The following FAT4 variants were observed in gnomAD, a reference collection of about 807,000 sequenced individuals.
The protein encoded by FAT4 is FAT atypical cadherin 4.
A neutral mutation model predicts 303.9 loss-of-function variants in FAT4; 84 were observed. The ratio of observed to expected loss-of-function variants is 0.28; its 90% CI spans 0.23 to 0.33. The LOEUF is 0.33. Among genes scored for constraint, FAT4 ranks in the 10% least tolerant of loss-of-function variants. The pLI is 1.00. For synonymous variants in FAT4, 2,307 were observed against 2,298.8 expected (o/e 1.00, Z -0.10); for missense variants, 6,005 against 6,146.8 (o/e 0.98, Z 0.77).
intron 3 of FAT4, among the ~76,000 whole-genome samples, chr4:125,406,652 G>C (rs1418239778): frequency 6.6e-6 from 1 of 152,066 alleles, no homozygotes; most frequent in Admixed American, 6.6e-5. Flanking sequence ...CCATTTGTTT[G>C]TATCTTTGTT....
At chr4:125,333,789 C>T (rs1297815170) in intron 2 of FAT4, among the ~76,000 whole-genome samples, 1 of 152,134 alleles carries the variant, frequency 6.6e-6, no homozygotes, top group Non-Finnish European at 1.5e-5. Context: ...ACAAAATTTG[C>T]TATTGAAAAC....
At position 125,376,513 on chromosome 4, in the gene FAT4, G is replaced by T. The variant is rs188087194; in HGVS notation, c.5176-22271G>T. Among the ~76,000 whole-genome samples, 232 of 152,260 alleles carry T rather than the reference G, an allele frequency of 1.5e-3. 1 individual carries two copies. The highest frequency in any genetic ancestry group is 5.1e-3 in the African/African-American group (212 of 41,548). ...TACCTAATGTAAATGACGAGTTAAT[G>T]GGTGCAGTAAACCAACATGGCATAT... On this transcript the variant is annotated intron_variant, in intron 2 of 17. Coordinates refer to ENST00000394329, the MANE Select transcript of FAT4 (RefSeq NM_001291303.3).
intron 2 of FAT4, among the ~76,000 whole-genome samples, chr4:125,361,077 A>G (rs1732647433): frequency 6.6e-6 from 1 of 151,342 alleles, no homozygotes; most frequent in Non-Finnish European, 1.5e-5. Flanking sequence ...ATTTAGTGTC[A>G]AATTGCTAGC....
chr4:125,421,625 A>C (rs1418265311), intron 7 of FAT4, among the ~76,000 whole-genome samples: 2 of 152,200 alleles, frequency 1.3e-5, no homozygotes, highest in Non-Finnish European at 2.9e-5. Context: ...CACTTTGGGG[A>C]TGCTACAGTT....
rs181202756 is a variant in FAT4, at chr4:125,391,219, G to A, written c.5176-7565G>A. On this transcript the variant is annotated intron_variant, in intron 2 of 17. Transcript: ENST00000394329. ...TTCTGCTATAAAGACATATGCACAT[G>A]TATGTTTACTGCAGCTCTATTTACA... Among the ~76,000 whole-genome samples, 3 of 152,204 alleles carry A rather than the reference G, an allele frequency of 2.0e-5. No individual in the cohort carries two copies. The East Asian group carries it at 5.8e-4, about 29-fold the overall frequency.
intron 5 of FAT4, among the ~76,000 whole-genome samples, chr4:125,409,030 A>T (rs1409085972): frequency 1.3e-5 from 2 of 151,956 alleles, no homozygotes; most frequent in African/African-American, 4.8e-5. Context: ...ACTTTATCTT[A>T]TTTTTCCCCC....
At chr4:125,414,573 G>A (rs922066655) in intron 5 of FAT4, among the ~76,000 whole-genome samples, 2 of 152,080 alleles carry the variant, frequency 1.3e-5, no homozygotes, top group Non-Finnish European at 1.5e-5. Context: ...AGTTACAAAT[G>A]TTTGACTAAT....
Position 125,319,400 on chromosome 4 carries a change from G to C in FAT4, c.2989G>C (p.Asp997His), listed in dbSNP as rs1730821808. Reference sequence around the variant, plus strand: ...TGTAAATGACAATTCACCAGTGTTTGACCAACTCTCTTATGAAGTCACCCT... The same window carrying C: ...TGTAAATGACAATTCACCAGTGTTTCACCAACTCTCTTATGAAGTCACCCT... ...HDVNDNSPVF[D>H]QLSYEVTLSE... The change falls in exon 2 of 18, where the codon GAC becomes CAC. Residue 997 changes from aspartate to histidine, a missense_variant. Asp to His is a moderately conservative substitution (Grantham distance 81). Coordinates refer to ENST00000394329, the MANE Select transcript of FAT4 (RefSeq NM_001291303.3). 1 of 1,613,350 alleles carries C rather than the reference G, an allele frequency of 6.2e-7. No homozygotes were observed.
At chr4:125,388,778 T>C (rs1733864023) in intron 2 of FAT4, among the ~76,000 whole-genome samples, 1 of 152,206 alleles carries the variant, frequency 6.6e-6, no homozygotes, top group African/African-American at 2.4e-5. Flanking sequence ...TAGCTTTTTA[T>C]TATGTCACCA....
chr4:125,332,319 T>A (rs979875632), intron 2 of FAT4, among the ~76,000 whole-genome samples: 1 of 152,156 alleles, frequency 6.6e-6, no homozygotes, highest in Non-Finnish European at 1.5e-5. Flanking sequence ...TTGGTCAACA[T>A]GCCTGACATT....
At chr4:125,347,795 T>A (rs1732062498) in intron 2 of FAT4, among the ~76,000 whole-genome samples, 1 of 151,782 alleles carries the variant, frequency 6.6e-6, no homozygotes, top group Non-Finnish European at 1.5e-5. Context: ...GACCCAAGAC[T>A]TTATAGTAGG....
At chr4:125,373,386 G>T (rs1733197775) in intron 2 of FAT4, among the ~76,000 whole-genome samples, 2 of 151,964 alleles carry the variant, frequency 1.3e-5, no homozygotes, top group South Asian at 4.1e-4. Context: ...CATCTAAAGA[G>T]GTGATATCTA....
intron 2 of FAT4, among the ~76,000 whole-genome samples, chr4:125,383,077 G>T (rs1029562720): frequency 6.6e-6 from 1 of 152,050 alleles, no homozygotes; most frequent in African/African-American, 2.4e-5. Flanking sequence ...AGGCTGTTTT[G>T]TTTTCTTATC....
chr4:125,387,694 T>C (rs1733807461), intron 2 of FAT4, among the ~76,000 whole-genome samples: 1 of 152,026 alleles, frequency 6.6e-6, no homozygotes, highest in Admixed American at 6.6e-5. Flanking sequence ...CTATATAGGG[T>C]AGGAAAAGGT....
rs772681936 is a variant in FAT4, at chr4:125,316,063, A to G, written c.-13+86A>G. On this transcript the variant is annotated intron_variant, in intron 1 of 17. Transcript: ENST00000394329. The surrounding 1 kb of genome is among the most constrained non-coding windows in gnomAD (Gnocchi z 5.7). ...AGGCAACTTCTCCCAACTCTCATCC[A>G]CCCGGGTGAAAACGCTCAGACTATC... 6.6e-6 allele frequency among the ~76,000 whole-genome samples: 1 copy of G among 151,924 alleles called. No individual in the cohort carries two copies. The highest frequency in any genetic ancestry group is 1.5e-5 in the Non-Finnish European group (1 of 67,986).
chr4:125,340,283 A>G (rs1731732364), intron 2 of FAT4, among the ~76,000 whole-genome samples: 1 of 152,200 alleles, frequency 6.6e-6, no homozygotes, highest in African/African-American at 2.4e-5. Flanking sequence ...TAAAATGCAT[A>G]TTACTTTTCA....
At chr4:125,409,740 A>G (rs573733881) in intron 5 of FAT4, among the ~76,000 whole-genome samples, 1 of 152,284 alleles carries the variant, frequency 6.6e-6, no homozygotes, top group East Asian at 1.9e-4. Context: ...CCTTTCTTCT[A>G]ACACCTGTTT....
Position 125,316,705 on chromosome 4 carries a change from C to G in FAT4, c.294C>G (p.Arg98=), listed in dbSNP as rs1478551846. ...TGTACACCACCTCCACCATCGACCGCGAGAGCCTGCCCAGCGACGTGATCA... is the reference window on the plus strand; with the variant it reads ...TGTACACCACCTCCACCATCGACCGGGAGAGCCTGCCCAGCGACGTGATCA... The part of the protein sequence containing the change: ...GALYTTSTID[R]ESLPSDVINL... The change falls in exon 2 of 18, where the codon CGC becomes CGG. Residue 98 remains arginine, a synonymous_variant. Transcript: ENST00000394329. This position sits in a 1 kb window ranked among gnomAD's most constrained non-coding sequence, Gnocchi z 5.7. 6.2e-7 allele frequency: 1 copy of G among 1,613,766 alleles called. No individual in the cohort carries two copies. The highest frequency in any genetic ancestry group is 1.3e-5 in the African/African-American group (1 of 75,026).
At chr4:125,361,535 C>T (rs964689085) in intron 2 of FAT4, among the ~76,000 whole-genome samples, 7 of 152,090 alleles carry the variant, frequency 4.6e-5, no homozygotes, top group African/African-American at 1.7e-4. Context: ...TTCATTCAAA[C>T]TCTGCAACCT....
Sources: allele counts gnomAD v4.1 joint callset (sites outside exome capture counted in the v4.1 genomes callset), GRCh38; gene constraint gnomAD v4.1.1; non-coding constraint Gnocchi (gnomAD v3.1); transcripts MANE v1.5; gene names NCBI Gene and HGNC (gene_info 2026-07-23, HGNC 2026-07-21).